Variants in DPH6 observed in about 807,000 individuals in gnomAD.
DPH6 encodes diphthamine biosynthesis 6.
A neutral mutation model predicts 38.2 loss-of-function variants in DPH6; 33 were observed. That is an observed-to-expected ratio of 0.86 (90% CI 0.65 to 1.15). The LOEUF (loss-of-function observed/expected upper bound fraction) is 1.15. Among genes scored for constraint, DPH6 ranks in the 50% most tolerant of loss-of-function variants. DPH6 has a pLI of 0.00. For missense variants in DPH6, 325 were observed against 320.0 expected, an observed-to-expected ratio of 1.02 and a Z score of -0.12; for synonymous variants, 108 against 103.0, an observed-to-expected ratio of 1.05 and a Z score of -0.30.
intron 3 of DPH6, among the ~76,000 whole-genome samples, chr15:35,277,285 CTT>C (rs2051865602): frequency 6.6e-6 from 1 of 152,138 alleles, no homozygotes; most frequent in East Asian, 1.9e-4. Flanking sequence ...TATGTGGAAA[CTT>C]TGCTGAATTC....
At chr15:35,489,250 T>TAG (rs1269616416) in intron 3 of DPH6, 1 of 790,696 alleles carries the variant, frequency 1.3e-6, no homozygotes, top group Non-Finnish European at 1.5e-6. Flanking sequence ...TTTTACCATG[T>TAG]GATCTGGGGA....
chr15:35,451,235 C>A (rs1010424715), intron 4 of DPH6, among the ~76,000 whole-genome samples: 1 of 151,730 alleles, frequency 6.6e-6, no homozygotes, highest in Non-Finnish European at 1.5e-5. Context: ...TATCTACTAA[C>A]TTTGAATTTT....
At chr15:35,317,639 C>A (rs2052204761) in intron 3 of DPH6, among the ~76,000 whole-genome samples, 1 of 146,576 alleles carries the variant, frequency 6.8e-6, no homozygotes. Context: ...CATAGAAATT[C>A]AGAAAGGAAT....
At chr15:35,361,463 A>T (rs572030792) in intron 3 of DPH6, among the ~76,000 whole-genome samples, 16 of 150,414 alleles carry the variant, frequency 1.1e-4, no homozygotes, top group Admixed American at 2.0e-4. Flanking sequence ...GGATATCTAC[A>T]TCATTTCTCA....
At chr15:35,163,944 C>A in the DPH6 span, among the ~76,000 whole-genome samples, 2 of 151,786 alleles carry the variant, frequency 1.3e-5, no homozygotes, top group African/African-American at 4.8e-5. Context: ...CTATACTAAA[C>A]GCTCAAATGC....
intron 3 of DPH6, among the ~76,000 whole-genome samples, chr15:35,227,341 AC>A (rs1186273592): frequency 1.3e-5 from 2 of 150,046 alleles, no homozygotes; most frequent in African/African-American, 4.9e-5. Context: ...CCGCCACCAC[AC>A]CCGGCTAATT....
At chr15:35,311,348 A>G (rs1031056589) in intron 3 of DPH6, among the ~76,000 whole-genome samples, 3 of 152,146 alleles carry the variant, frequency 2.0e-5, no homozygotes, top group African/African-American at 7.2e-5. Context: ...TTTTTCCTCT[A>G]CATCTCCACA....
In DPH6 at chr15:35,517,591, G is replaced by A. The variant is rs187697986; in HGVS notation, c.312+20683C>T. 6.8e-3 allele frequency among the ~76,000 whole-genome samples: 1,040 copies of A among 151,900 alleles called. 16 individuals carry two copies. Among genetic ancestry groups the A allele is most frequent in the African/African-American group, 0.024 (983 of 41,466 alleles). On this transcript the variant is annotated intron_variant, in intron 3 of 8. Transcript: ENST00000256538. ...TTCATTTTATCAGCTTAAAACATTG[G>A]TTCCTTCTTTATAGTGATAAAAAGA... is the stretch of plus-strand genomic sequence containing the variant.
At chr15:35,299,465 C>T (rs1198605895) in intron 3 of DPH6, 3 of 766,904 alleles carry the variant, frequency 3.9e-6, no homozygotes, top group East Asian at 4.9e-5. Flanking sequence ...AATGCCGGCC[C>T]GCCCGCCGAC....
intron 3 of DPH6, among the ~76,000 whole-genome samples, chr15:35,501,178 C>T (rs1217774983): frequency 6.6e-6 from 1 of 152,010 alleles, no homozygotes; most frequent in Admixed American, 6.6e-5. Context: ...ATATATTTCC[C>T]CTAATATCAT....
intron 3 of DPH6, among the ~76,000 whole-genome samples, chr15:35,471,910 A>C (rs889432031): frequency 2.0e-5 from 3 of 152,180 alleles, no homozygotes; most frequent in Non-Finnish European, 2.9e-5. Flanking sequence ...TCAATCAAAA[A>C]AAGTGCATGA....
chr15:35,545,653 G>A (rs902336471), intron 1 of DPH6, among the ~76,000 whole-genome samples: 6 of 152,126 alleles, frequency 3.9e-5, no homozygotes, highest in African/African-American at 1.4e-4. Context: ...GGACCCAGCT[G>A]ACCAAAGGAA....
At chr15:35,394,997 C>G (rs187886002) in intron 6 of DPH6, among the ~76,000 whole-genome samples, 130 of 132,240 alleles carry the variant, frequency 9.8e-4, no homozygotes, top group African/African-American at 4.1e-3. Context: ...GTCAATTGTG[C>G]TCCATCTGAT....
chr15:35,417,297 T>C (rs2053448369), intron 5 of DPH6, among the ~76,000 whole-genome samples: 2 of 152,034 alleles, frequency 1.3e-5, no homozygotes, highest in Admixed American at 6.6e-5. Context: ...GTGTGAAAAA[T>C]TGTTAGCTTA....
chr15:35,354,393 T>C (rs1228584610), intron 3 of DPH6, among the ~76,000 whole-genome samples: 1 of 152,218 alleles, frequency 6.6e-6, no homozygotes, highest in Non-Finnish European at 1.5e-5. Flanking sequence ...TTTTTGCCCA[T>C]TCAGTATGAT....
At chr15:35,538,634 ATT>A (rs2055208562) in intron 2 of DPH6, among the ~76,000 whole-genome samples, 167 bp from the exon 3 acceptor site, 1 of 152,152 alleles carries the variant, frequency 6.6e-6, no homozygotes, top group East Asian at 1.9e-4. Context: ...AGAATTGCAC[ATT>A]TGTCTGTAGT....
At chr15:35,281,829 T>G (rs1176251892) in intron 3 of DPH6, among the ~76,000 whole-genome samples, 2 of 152,230 alleles carry the variant, frequency 1.3e-5, no homozygotes, top group Non-Finnish European at 2.9e-5. Flanking sequence ...ATACCTCAGG[T>G]AGCCTACACT....
At chr15:35,374,838 G>A (rs886921066) in intron 7 of DPH6, among the ~76,000 whole-genome samples, 1 of 152,060 alleles carries the variant, frequency 6.6e-6, no homozygotes, top group South Asian at 2.1e-4. Flanking sequence ...AAGTACAGAG[G>A]AGGCCCTCCT....
chr15:35,202,252 T>G, the DPH6 span, among the ~76,000 whole-genome samples: 1 of 151,814 alleles, frequency 6.6e-6, no homozygotes, highest in South Asian at 2.1e-4. Context: ...GCCTTCATCA[T>G]GCATAAACAA....
Sources: allele counts gnomAD v4.1 joint callset (sites outside exome capture counted in the v4.1 genomes callset), GRCh38; gene constraint gnomAD v4.1.1; transcripts MANE v1.5; gene names NCBI Gene and HGNC (gene_info 2026-07-23, HGNC 2026-07-21).